MECR: variants seen among roughly 807,000 people sequenced by gnomAD.
MECR encodes the protein mitochondrial trans-2-enoyl-CoA reductase, also known as enoyl-[acyl-carrier-protein] reductase, mitochondrial.
MECR carries 37 observed loss-of-function variants against 49.1 expected under a neutral mutation model. The ratio of observed to expected loss-of-function variants is 0.75; its 90% CI spans 0.58 to 0.99. The LOEUF (loss-of-function observed/expected upper bound fraction) is 0.99. Among genes scored for constraint, MECR ranks in the 50% least tolerant of loss-of-function variants. The probability of loss-of-function intolerance (pLI) is 0.00; values close to 1 mark genes in which losing one functional copy is unlikely to be tolerated. For missense variants in MECR, 470 were observed against 479.6 expected (o/e 0.98, Z 0.19); for synonymous variants, 198 against 191.1 (o/e 1.04, Z -0.30).
At chr1:29,229,233 C>T (rs1682861707) in intron 1 of MECR, among the ~76,000 whole-genome samples, 3 of 149,438 alleles carry the variant, frequency 2.0e-5, no homozygotes, top group African/African-American at 7.4e-5. Flanking sequence ...GACAGAGTCT[C>T]GCTCTGTTGC....
chr1:29,224,390 A>C (rs2250643), intron 1 of MECR: 125,497 of 152,102 alleles, frequency 0.83, 52,350 homozygotes, highest in Middle Eastern at 0.89. Context: ...GATTTCAAAC[A>C]AAATCATTGC....
chr1:29,182,034 G>A, the MECR span: 4 of 303,906 alleles, frequency 1.3e-5, no homozygotes, highest in African/African-American at 2.2e-5. Context: ...ACGTGCGGCG[G>A]GGCAAGGTGA....
chr1:29,220,719 T>C (rs1428256383), intron 1 of MECR: 2 of 182,966 alleles, frequency 1.1e-5, no homozygotes, highest in Admixed American at 1.3e-4. Context: ...AATCCTACCT[T>C]GGTCATTTAT....
chr1:29,220,768 G>T, intron 1 of MECR: 1 of 357,294 alleles, frequency 2.8e-6, no homozygotes, highest in Non-Finnish European at 3.9e-6. Context: ...CGTAAAATGG[G>T]ATAACACGAG....
chr1:29,229,059 G>T (rs142390926), intron 1 of MECR: 1 of 152,174 alleles, frequency 6.6e-6, no homozygotes, highest in Non-Finnish European at 1.5e-5. Context: ...TATTACCTAC[G>T]ATCAACATAC....
At position 29,192,979 on chromosome 1, in the gene MECR, C is replaced by CTGT. The variant is rs1558401108; in HGVS notation, c.*1040_*1042dup. ...TTTTTTTTTGATATAGGGTCTTGCTCTGTTGCCTAGGCTGGAATGCAGTGG... is the reference window on the plus strand; with the variant it reads ...TTTTTTTTTGATATAGGGTCTTGCTCTGTTGTTGCCTAGGCTGGAATGCAGTGG... On this transcript the variant is annotated 3_prime_UTR_variant, in exon 10 of 10. Coordinates refer to ENST00000263702, the MANE Select transcript of MECR (RefSeq NM_016011.5). 2.0e-5 allele frequency: 3 copies of CTGT among 147,822 alleles called. No individual in the cohort carries two copies. The allele number at this position is 147,822 out of a possible 1,614,324, so 9.2% of individuals were successfully genotyped here.
At chr1:29,179,528 TA>T in the MECR span, among the ~76,000 whole-genome samples, 9 of 152,164 alleles carry the variant, frequency 5.9e-5, no homozygotes, top group African/African-American at 2.2e-4. Flanking sequence ...CGTGGCTAAT[TA>T]AAAAAATTTT....
the MECR span, chr1:29,182,035 G>GGCAAGGTGATCGACAGGCGGC: frequency 2.2e-4 from 67 of 303,428 alleles, no homozygotes; most frequent in African/African-American, 1.4e-3. Flanking sequence ...CGTGCGGCGG[G>GGCAAGGTGATCGACAGGCGGC]GCAAGGTGAT....
At chr1:29,217,113 G>A (rs1227354204) in intron 1 of MECR, among the ~76,000 whole-genome samples, 1 of 52,826 alleles carries the variant, frequency 1.9e-5, no homozygotes, top group Non-Finnish European at 3.4e-5. Flanking sequence ...GGGTGACAAA[G>A]CAAGACTTTG....
intron 1 of MECR, among the ~76,000 whole-genome samples, chr1:29,220,483 C>T (rs1680512530): frequency 6.6e-6 from 1 of 152,194 alleles, no homozygotes; most frequent in East Asian, 1.9e-4. Flanking sequence ...ACTTGCTCTT[C>T]CTCGTTTTAG....
At chr1:29,222,823 G>A (rs1681100902) in intron 1 of MECR, among the ~76,000 whole-genome samples, 1 of 152,112 alleles carries the variant, frequency 6.6e-6, no homozygotes, top group South Asian at 2.1e-4. Context: ...TGGGGGTGGG[G>A]GGGTCCAGCT....
Position 29,192,890 on chromosome 1 carries a change from A to AT in MECR, c.*1131dup, listed in dbSNP as rs1673210936. 6.6e-6 allele frequency: 1 copy of AT among 151,770 alleles called. No individual in the cohort carries two copies. The highest frequency in any genetic ancestry group is 2.4e-5 in the African/African-American group (1 of 41,316). 9.4% of individuals were successfully genotyped at this position (151,770 alleles called of 1,614,324 possible). On this transcript the variant is annotated 3_prime_UTR_variant, in exon 10 of 10. Coordinates refer to ENST00000263702, the MANE Select transcript of MECR (RefSeq NM_016011.5). ...TAGTCACTATGGTAATTACTGTGAG[A>AT]TTGTTTAATGCACGGTTTATCAACG...
At chr1:29,223,141 G>A (rs528539627) in intron 1 of MECR, 36 of 985,394 alleles carry the variant, frequency 3.7e-5, no homozygotes, top group South Asian at 9.4e-5. Context: ...CCCCCATACC[G>A]TTCACGTCCT....
the MECR span, chr1:29,182,034 G>GGGCAAGGTGATCGACAGGCGGCGC: frequency 3.3e-6 from 1 of 303,906 alleles, no homozygotes; most frequent in Admixed American, 5.3e-5. Flanking sequence ...ACGTGCGGCG[G>GGGCAAGGTGATCGACAGGCGGCGC]GGCAAGGTGA....
intron 3 of MECR, among the ~76,000 whole-genome samples, chr1:29,209,137 C>G (rs1677322601): frequency 6.6e-6 from 1 of 152,160 alleles, no homozygotes; most frequent in Admixed American, 6.5e-5. Context: ...CCCACAGTAA[C>G]CATGAGTTCC....
At chr1:29,223,288 G>A in intron 1 of MECR, 1 of 985,438 alleles carries the variant, frequency 1.0e-6, no homozygotes, top group Non-Finnish European at 1.2e-6. Flanking sequence ...GTACAAGGGA[G>A]ACAAAAGCAG....
At chr1:29,221,903 G>T (rs186421064) in intron 1 of MECR, among the ~76,000 whole-genome samples, 49 of 152,166 alleles carry the variant, frequency 3.2e-4, no homozygotes, top group Admixed American at 1.7e-3. Context: ...ACTGACTGCC[G>T]TTCAGTCCTC....
chr1:29,173,187 G>A, the MECR span: 1 of 134,952 alleles, frequency 7.4e-6, no homozygotes, highest in Non-Finnish European at 1.5e-5. Flanking sequence ...ATCCAGGCTG[G>A]AGTGCAGTGG....
intron 3 of MECR, among the ~76,000 whole-genome samples, chr1:29,213,599 G>A (rs1315582929): frequency 6.6e-6 from 1 of 152,228 alleles, no homozygotes; most frequent in African/African-American, 2.4e-5. Context: ...TCTGGGGGAT[G>A]GATATGGTTG....
Sources: gnomAD v4.1 joint callset for allele counts (sites outside exome capture counted in the v4.1 genomes callset) on GRCh38, gnomAD v4.1.1 for gene constraint, MANE v1.5 for transcripts, NCBI Gene and HGNC (gene_info 2026-07-23, HGNC 2026-07-21) for gene names.